KLHL3: variants seen among roughly 807,000 people sequenced by gnomAD.
KLHL3 encodes kelch like family member 3, also known as kelch-like protein 3.
In KLHL3, 19 loss-of-function variants were observed where a neutral mutation model predicts 70.5. The ratio of observed to expected loss-of-function variants is 0.27; its 90% confidence interval spans 0.19 to 0.40. The LOEUF is 0.40. Ranked by LOEUF, KLHL3 falls within the 10% of genes least tolerant of loss-of-function variation. The pLI is 1.00. For synonymous variants in KLHL3, 258 were observed against 290.3 expected (o/e 0.89, Z 1.13); for missense variants, 512 against 771.1 (o/e 0.66, Z 3.98).
intron 3 of KLHL3, among the ~76,000 whole-genome samples, chr5:137,701,747 C>T (rs948148197): frequency 6.6e-6 from 1 of 152,234 alleles, no homozygotes; most frequent in African/African-American, 2.4e-5. Flanking sequence ...CTTCACTCAT[C>T]TCTAATAGTT....
At chr5:137,729,861 G>T (rs1443824797) in intron 1 of KLHL3, among the ~76,000 whole-genome samples, 1 of 152,070 alleles carries the variant, frequency 6.6e-6, no homozygotes, top group Admixed American at 6.6e-5. Context: ...CAGGATTCAG[G>T]ACTTGGTGGT....
chr5:137,693,502 C>G (rs1192681545), intron 4 of KLHL3, among the ~76,000 whole-genome samples: 2 of 152,142 alleles, frequency 1.3e-5, no homozygotes, highest in East Asian at 1.9e-4. Flanking sequence ...AAGCCTGCCT[C>G]TAGATCAAAC....
intron 8 of KLHL3, among the ~76,000 whole-genome samples, chr5:137,644,514 A>C (rs1209406635): frequency 1.3e-5 from 2 of 152,196 alleles, no homozygotes; most frequent in African/African-American, 2.4e-5. Flanking sequence ...ATGCTGATTT[A>C]ATTTCCTTTG....
chr5:137,685,888 T>TCAAG (rs1477472124), intron 5 of KLHL3, among the ~76,000 whole-genome samples: 3 of 152,240 alleles, frequency 2.0e-5, no homozygotes, highest in African/African-American at 7.2e-5. Context: ...AGGATATACA[T>TCAAG]CAAGGTGCTG....
At chr5:137,622,723 A>T (rs959512075) in intron 14 of KLHL3, among the ~76,000 whole-genome samples, 3 of 152,210 alleles carry the variant, frequency 2.0e-5, no homozygotes, top group Non-Finnish European at 4.4e-5. Flanking sequence ...AATGCTCCAG[A>T]CATGTATGCT....
chr5:137,679,914 G>T (rs997057973), intron 5 of KLHL3, among the ~76,000 whole-genome samples: 3 of 152,250 alleles, frequency 2.0e-5, no homozygotes, highest in Non-Finnish European at 4.4e-5. Context: ...GGCATAAGCA[G>T]AAAGAGACAA....
At chr5:137,627,484 C>T (rs966460468) in intron 13 of KLHL3, among the ~76,000 whole-genome samples, 4 of 128,288 alleles carry the variant, frequency 3.1e-5, no homozygotes, top group South Asian at 3.0e-4. Flanking sequence ...ACCACCCCCC[C>T]CCCCGGTTTA....
chr5:137,637,489 G>A (rs983439822), intron 10 of KLHL3, 94 bp from the exon 11 acceptor site: 30 of 1,084,176 alleles, frequency 2.8e-5, no homozygotes, highest in Non-Finnish European at 3.8e-5. Flanking sequence ...CCAAATGCAT[G>A]GGCTGGAAAC....
At chr5:137,697,186 CAG>C (rs1295582442) in intron 4 of KLHL3, among the ~76,000 whole-genome samples, 1 of 150,244 alleles carries the variant, frequency 6.7e-6, no homozygotes, top group South Asian at 2.1e-4. Context: ...TTTTTGGAGA[CAG>C]AGTCTCGCTC....
At chr5:137,657,946 G>A (rs1751382523) in intron 8 of KLHL3, among the ~76,000 whole-genome samples, 185 bp downstream of exon 8, 1 of 152,178 alleles carries the variant, frequency 6.6e-6, no homozygotes, top group African/African-American at 2.4e-5. Context: ...TCTTAGGAAA[G>A]GAAGACCCCA....
At chr5:137,670,986 A>AG (rs1491178883) in intron 6 of KLHL3, among the ~76,000 whole-genome samples, 3 of 141,458 alleles carry the variant, frequency 2.1e-5, no homozygotes, top group Non-Finnish European at 4.6e-5. Flanking sequence ...AAAAAAAAAA[A>AG]CAACAACAAA....
At chr5:137,703,913 G>A (rs1347944767) in intron 3 of KLHL3, among the ~76,000 whole-genome samples, 3 of 149,360 alleles carry the variant, frequency 2.0e-5, no homozygotes, top group East Asian at 2.0e-4. Context: ...CTCCACCCCC[G>A]ACATCCACAA....
intron 8 of KLHL3, 44 bp downstream of exon 8, chr5:137,658,087 A>G: frequency 6.4e-7 from 1 of 1,561,074 alleles, no homozygotes; most frequent in Non-Finnish European, 8.6e-7. Flanking sequence ...CCACTTTCCC[A>G]GGGCACAGTC....
chr5:137,691,654 A>G (rs1752325259), intron 5 of KLHL3, among the ~76,000 whole-genome samples: 2 of 150,878 alleles, frequency 1.3e-5, no homozygotes, highest in Admixed American at 6.6e-5. Context: ...TCTGTCACCC[A>G]GGCTGGAGTG....
intron 7 of KLHL3, chr5:137,661,617 C>T (rs1237020357): frequency 8.1e-6 from 2 of 246,246 alleles, no homozygotes; most frequent in African/African-American, 4.5e-5. Flanking sequence ...TCACAACAAC[C>T]CTGCTGGGCT....
chr5:137,698,153 AC>A, intron 4 of KLHL3, 133 bp downstream of exon 4: 1 of 1,211,306 alleles, frequency 8.3e-7, no homozygotes, highest in Non-Finnish European at 1.2e-6. Flanking sequence ...AGGGCAGGTC[AC>A]CTGACCTCTC....
chr5:137,645,167 CA>C (rs1342455019), intron 8 of KLHL3, among the ~76,000 whole-genome samples: 4 of 152,088 alleles, frequency 2.6e-5, no homozygotes, highest in Admixed American at 1.3e-4. Flanking sequence ...TGTAACTCAA[CA>C]TAATAGAGGC....
Position 137,625,874 on chromosome 5 carries a change from G to C in KLHL3, c.1614C>G (p.Leu538=). The C allele has an allele frequency of 6.2e-7, 1 of 1,614,120 alleles. No homozygotes were observed. The highest frequency in any genetic ancestry group is 8.5e-7 in the Non-Finnish European group (1 of 1,180,036). Residue 538 remains leucine (L), a synonymous_variant, in exon 14 of 15, where the codon CTC becomes CTG. Coordinates refer to ENST00000309755, the MANE Select transcript of KLHL3 (RefSeq NM_017415.3). ...RNAGVCAVNG[L]LYVVGGDDGS... ...CATCATCCCCTCCAACCACATACAG[G>C]AGCCCATTTACTGCACAGACCCCTG...
At chr5:137,674,113 T>G (rs1751828235) in intron 6 of KLHL3, among the ~76,000 whole-genome samples, 1 of 152,204 alleles carries the variant, frequency 6.6e-6, no homozygotes, top group African/African-American at 2.4e-5. Context: ...TATTCTAAGC[T>G]TTTTTCATAT....
Sources: gnomAD v4.1 joint callset for allele counts (sites outside exome capture counted in the v4.1 genomes callset) on GRCh38, gnomAD v4.1.1 for gene constraint, MANE v1.5 for transcripts, NCBI Gene and HGNC (gene_info 2026-07-23, HGNC 2026-07-21) for gene names.